SYNDIG1L: variants seen among roughly 807,000 people sequenced by gnomAD.
SYNDIG1L encodes synapse differentiation-inducing gene protein 1-like.
In SYNDIG1L, 13 loss-of-function variants were observed where a neutral mutation model predicts 20.1. The ratio of observed to expected loss-of-function variants is 0.65; its 90% CI spans 0.42 to 1.03. SYNDIG1L has a LOEUF of 1.03. SYNDIG1L is among the 50% of genes least tolerant of loss of function. The pLI is 0.00. For missense variants in SYNDIG1L, 294 were observed against 305.1 expected, an observed-to-expected ratio of 0.96 and a Z score of 0.27; for synonymous variants, 128 against 129.3, an observed-to-expected ratio of 0.99 and a Z score of 0.07.
chr14:74,455,554 G>A, the SYNDIG1L span, among the ~76,000 whole-genome samples: 73 of 152,232 alleles, frequency 4.8e-4, 2 homozygotes, highest in South Asian at 0.014. Flanking sequence ...TGAGTAGCTG[G>A]GATTACAGGC....
intron 1 of SYNDIG1L, among the ~76,000 whole-genome samples, chr14:74,423,407 T>C (rs1035122645): frequency 2.2e-4 from 34 of 152,342 alleles, no homozygotes; most frequent in African/African-American, 5.0e-4. Context: ...CTGCTGCTGC[T>C]GCCGTCACTT....
Position 74,426,028 on chromosome 14 carries a change from GCT to G in SYNDIG1L, c.-176_-175del, listed in dbSNP as rs1219850706. Reference sequence around the variant, plus strand: ...GTGGAACTCCCAGGAGGGCTCCCCTGCTCTCGTCCCCGCGTCCCTGAGCAGCC... The same window carrying G: ...GTGGAACTCCCAGGAGGGCTCCCCTGCTCGTCCCCGCGTCCCTGAGCAGCC... On this transcript the variant is annotated 5_prime_UTR_variant, in exon 1 of 4. Transcript: ENST00000331628. 2 of 152,478 alleles carry G rather than the reference GCT, an allele frequency of 1.3e-5. No homozygotes were observed. Among genetic ancestry groups the G allele is most frequent in the Non-Finnish European group, 2.9e-5 (2 of 67,862 alleles). 9.4% of individuals were successfully genotyped at this position (152,478 alleles called of 1,614,324 possible).
the SYNDIG1L span, among the ~76,000 whole-genome samples, chr14:74,439,833 C>T: frequency 1.9e-4 from 29 of 148,954 alleles, no homozygotes; most frequent in African/African-American, 6.0e-4. Flanking sequence ...GAGCCAAGAT[C>T]GTGCCATTAC....
rs2086111953 is a variant in SYNDIG1L at position 74,409,413 on chromosome 14, G to A, written c.332C>T (p.Ala111Val). ...AGTCTGGATGGTGACATTCTCTGCA[G>A]CTTGGCCAGGTCCTGTGGGCTGCTC... ...PPEQPTGPGQAAENVTIQTVS... is the reference protein window; with the variant it reads ...PPEQPTGPGQVAENVTIQTVS... The change falls in exon 2 of 4, where the codon GCT (alanine) becomes GTT (valine). Residue 111 changes from alanine to valine, a missense_variant. Coordinates refer to ENST00000331628, the MANE Select transcript of SYNDIG1L (RefSeq NM_001105579.2). 6.2e-7 allele frequency: 1 copy of A among 1,613,664 alleles called. No individual in the cohort carries two copies. Among genetic ancestry groups the A allele is most frequent in the Non-Finnish European group, 8.5e-7 (1 of 1,179,886 alleles).
upstream of SYNDIG1L, among the ~76,000 whole-genome samples, chr14:74,430,738 C>A (rs142826497): frequency 2.0e-5 from 3 of 151,644 alleles, no homozygotes; most frequent in African/African-American, 7.3e-5. Flanking sequence ...CCCGGCCTAG[C>A]ATTCTTTATA....
the SYNDIG1L span, among the ~76,000 whole-genome samples, chr14:74,432,073 C>T: frequency 6.6e-6 from 1 of 151,450 alleles, no homozygotes; most frequent in African/African-American, 2.4e-5. Flanking sequence ...GGGAAACACT[C>T]AGCCTACTGT....
the SYNDIG1L span, among the ~76,000 whole-genome samples, chr14:74,432,594 G>A: frequency 0.48 from 72,424 of 152,000 alleles, 17,358 homozygotes; most frequent in South Asian, 0.54. Flanking sequence ...GGTGGCTCAC[G>A]CCTGTAATCC....
intron 1 of SYNDIG1L, among the ~76,000 whole-genome samples, chr14:74,423,316 A>G (rs1258714438): frequency 1.3e-5 from 2 of 152,174 alleles, no homozygotes; most frequent in African/African-American, 4.8e-5. Flanking sequence ...AGGCTAGTGT[A>G]TTGTCCTCAC....
At chr14:74,476,207 A>G in the SYNDIG1L span, 2 of 573,102 alleles carry the variant, frequency 3.5e-6, no homozygotes, top group Non-Finnish European at 6.3e-6. Flanking sequence ...TAGTGGGCAG[A>G]GCAATGCATT....
chr14:74,444,606 C>G, the SYNDIG1L span, among the ~76,000 whole-genome samples: 3 of 151,646 alleles, frequency 2.0e-5, no homozygotes, highest in East Asian at 2.0e-4. Context: ...TCCAAAAGAG[C>G]TGGGTATGGT....
the SYNDIG1L span, among the ~76,000 whole-genome samples, chr14:74,468,365 T>G: frequency 6.6e-6 from 1 of 152,170 alleles, no homozygotes; most frequent in South Asian, 2.1e-4. Flanking sequence ...TTTGCTACTT[T>G]TGGGCTCTCT....
the SYNDIG1L span, among the ~76,000 whole-genome samples, chr14:74,470,649 T>G: frequency 6.6e-6 from 1 of 152,178 alleles, no homozygotes; most frequent in African/African-American, 2.4e-5. Flanking sequence ...TTAAAAGCAG[T>G]GATTAAGTCT....
the SYNDIG1L span, among the ~76,000 whole-genome samples, chr14:74,445,066 T>C: frequency 6.6e-6 from 1 of 152,160 alleles, no homozygotes; most frequent in East Asian, 1.9e-4. Flanking sequence ...GGATCCCTAA[T>C]GAATGGCATG....
chr14:74,428,724 G>A (rs1046091030), upstream of SYNDIG1L, among the ~76,000 whole-genome samples: 12 of 152,148 alleles, frequency 7.9e-5, no homozygotes, highest in South Asian at 2.1e-4. Flanking sequence ...TAGGAAGGCC[G>A]GAGTGAACAG....
At chr14:74,450,374 A>G in the SYNDIG1L span, among the ~76,000 whole-genome samples, 1 of 152,180 alleles carries the variant, frequency 6.6e-6, no homozygotes, top group Admixed American at 6.5e-5. Flanking sequence ...AAAATCAAAC[A>G]TAGACATTAT....
At chr14:74,463,457 C>T in the SYNDIG1L span, among the ~76,000 whole-genome samples, 1 of 152,168 alleles carries the variant, frequency 6.6e-6, no homozygotes, top group Admixed American at 6.5e-5. Flanking sequence ...CTCCTGCACA[C>T]CAAACTCTCC....
the SYNDIG1L span, among the ~76,000 whole-genome samples, chr14:74,464,944 C>A: frequency 6.6e-6 from 1 of 152,194 alleles, no homozygotes; most frequent in African/African-American, 2.4e-5. Flanking sequence ...CGCACCCCAC[C>A]CTTCCATACT....
chr14:74,452,270 A>C, the SYNDIG1L span, among the ~76,000 whole-genome samples: 4 of 152,132 alleles, frequency 2.6e-5, no homozygotes, highest in Non-Finnish European at 5.9e-5. Flanking sequence ...CTCATACACT[A>C]TTGGTGGGAT....
chr14:74,461,385 C>T, the SYNDIG1L span, among the ~76,000 whole-genome samples: 6 of 152,316 alleles, frequency 3.9e-5, no homozygotes, highest in South Asian at 2.1e-4. Context: ...GATAACATCA[C>T]GAGAAAATAA....
Sources: allele counts gnomAD v4.1 joint callset (sites outside exome capture counted in the v4.1 genomes callset), GRCh38; gene constraint gnomAD v4.1.1; transcripts MANE v1.5; gene names NCBI Gene and HGNC (gene_info 2026-07-23, HGNC 2026-07-21).